Variants in MEGF11 observed in about 807,000 individuals in gnomAD.
MEGF11 encodes multiple EGF like domains 11, also known as multiple epidermal growth factor-like domains protein 11.
In MEGF11, 126 loss-of-function variants were observed where a neutral mutation model predicts 146.6. That is an observed-to-expected ratio of 0.86 (90% CI 0.74 to 1.00). The LOEUF (loss-of-function observed/expected upper bound fraction) is 1.00. MEGF11 is among the 50% of genes least tolerant of loss of function. The pLI is 0.00. For missense variants in MEGF11, 1,509 were observed against 1,521.2 expected, an observed-to-expected ratio of 0.99 and a Z score of 0.13; for synonymous variants, 532 against 583.4, an observed-to-expected ratio of 0.91 and a Z score of 1.27.
intron 7 of MEGF11, among the ~76,000 whole-genome samples, chr15:65,980,390 T>C (rs1421206490): frequency 1.4e-5 from 2 of 140,146 alleles, no homozygotes; most frequent in African/African-American, 5.3e-5. Context: ...GGGAGAAGAA[T>C]TCAGCTTTTT....
chr15:66,115,112 ACT>A (rs1161215637), intron 4 of MEGF11, among the ~76,000 whole-genome samples: 2 of 152,054 alleles, frequency 1.3e-5, no homozygotes, highest in Admixed American at 1.3e-4. Flanking sequence ...CCAGAAGGTG[ACT>A]CTGAAGGGAA....
intron 5 of MEGF11, among the ~76,000 whole-genome samples, chr15:66,020,673 C>A (rs2083079302): frequency 6.6e-6 from 1 of 152,126 alleles, no homozygotes. Flanking sequence ...GGTCCCAATT[C>A]CCTCACTCCT....
chr15:66,184,378 C>T lies in MEGF11; in HGVS notation c.-8-55967G>A, dbSNP rs796087096. On this transcript the variant is annotated intron_variant, in intron 1 of 25. Transcript: ENST00000395614. ...CTCCAGGGCTGGAACCCATCCCCCT[C>T]CCTCTTCCACAGCTCCCACCATCTC... Among the ~76,000 whole-genome samples the T allele has an allele frequency of 1.4e-4, 21 of 152,154 alleles. 3 individuals carry two copies. Among genetic ancestry groups the T allele is most frequent in the African/African-American group, 5.1e-4 (21 of 41,492 alleles).
At chr15:66,205,026 A>G (rs1166961696) in intron 1 of MEGF11, among the ~76,000 whole-genome samples, 1 of 149,698 alleles carries the variant, frequency 6.7e-6, no homozygotes, top group Admixed American at 6.7e-5. Flanking sequence ...ATTTGGAGCT[A>G]AAGACACTAG....
At chr15:66,175,172 A>G (rs1031178383) in intron 1 of MEGF11, among the ~76,000 whole-genome samples, 1 of 152,160 alleles carries the variant, frequency 6.6e-6, no homozygotes, top group African/African-American at 2.4e-5. Context: ...CTGTTTTCCA[A>G]TTTGGATGCC....
At chr15:66,148,134 G>A (rs2089440840) in intron 1 of MEGF11, among the ~76,000 whole-genome samples, 1 of 152,142 alleles carries the variant, frequency 6.6e-6, no homozygotes, top group Non-Finnish European at 1.5e-5. Context: ...GTGTGTGTCT[G>A]TATATGGCTC....
intron 5 of MEGF11, among the ~76,000 whole-genome samples, chr15:66,013,225 C>T (rs563674165): frequency 1.7e-4 from 26 of 152,186 alleles, no homozygotes; most frequent in Non-Finnish European, 3.7e-4. Context: ...TGGCCTCCAT[C>T]GTCAGTCAGG....
intron 5 of MEGF11, among the ~76,000 whole-genome samples, chr15:66,000,960 G>A (rs1318018926): frequency 1.3e-5 from 2 of 152,176 alleles, no homozygotes; most frequent in African/African-American, 4.8e-5. Flanking sequence ...TGGAGCTTGG[G>A]AGAACAGCAT....
chr15:66,216,214 T>C (rs2091578737), intron 1 of MEGF11, among the ~76,000 whole-genome samples: 1 of 152,172 alleles, frequency 6.6e-6, no homozygotes, highest in Non-Finnish European at 1.5e-5. Flanking sequence ...ATGGCAGCTG[T>C]TGGCCTGGAG....
chr15:65,967,388 C>T (rs149614217), intron 8 of MEGF11, among the ~76,000 whole-genome samples: 37 of 152,226 alleles, frequency 2.4e-4, no homozygotes, highest in African/African-American at 7.9e-4. Context: ...CATATGTTTC[C>T]ATTTTCCAGG....
chr15:66,094,384 C>A lies in MEGF11; in HGVS notation c.394+18G>T. 6.4e-7 allele frequency: 1 copy of A among 1,550,796 alleles called. No individual in the cohort carries two copies. Among genetic ancestry groups the A allele is most frequent in the East Asian group, 2.4e-5 (1 of 41,068 alleles). ...GTCAGAGCCAGGGTGCCTCCTGACC[C>A]CCAAACCCCAGACTCACCGCTGGAG... On this transcript the variant is annotated intron_variant, in intron 5 of 25. Coordinates refer to ENST00000395614, the MANE Select transcript of MEGF11 (RefSeq NM_001385028.1).
chr15:66,082,523 A>G (rs2085928458), intron 5 of MEGF11, among the ~76,000 whole-genome samples: 1 of 141,230 alleles, frequency 7.1e-6, no homozygotes, highest in African/African-American at 2.7e-5. Context: ...CTATAAATAA[A>G]TTAGCCAGGT....
At chr15:65,959,950 C>T (rs333566) in intron 9 of MEGF11, among the ~76,000 whole-genome samples, 145,062 of 152,240 alleles carry the variant, frequency 0.95, 69,512 homozygotes, top group East Asian at 1. Flanking sequence ...CACCACAGGG[C>T]ATTGGTTAAA....
intron 5 of MEGF11, among the ~76,000 whole-genome samples, chr15:66,091,480 T>C (rs1291485905): frequency 1.3e-5 from 2 of 152,210 alleles, no homozygotes; most frequent in Admixed American, 1.3e-4. Context: ...TAAGTTACAA[T>C]TGTATAAATA....
At chr15:66,116,117 G>A (rs1447271102) in intron 4 of MEGF11, among the ~76,000 whole-genome samples, 1 of 152,142 alleles carries the variant, frequency 6.6e-6, no homozygotes, top group Admixed American at 6.5e-5. Context: ...TGCTGATGGG[G>A]TTCCCTCTCC....
chr15:66,052,073 A>C (rs1357743292), intron 5 of MEGF11, among the ~76,000 whole-genome samples: 1 of 152,218 alleles, frequency 6.6e-6, no homozygotes, highest in East Asian at 1.9e-4. Context: ...ACAGAGGCGC[A>C]CAGGTGAGAT....
In MEGF11 at chr15:66,064,087, T is replaced by C. The variant is rs557644574; in HGVS notation, c.394+30315A>G. The stretch of plus-strand genomic sequence containing the variant: ...ACGCCATAGCAACAAAACAAAATAC[T>C]GGCTGGGCGCAGTGGCTCACACCTG... On this transcript the variant is annotated intron_variant, in intron 5 of 25. Transcript: ENST00000395614. Among the ~76,000 whole-genome samples the C allele has an allele frequency of 1.6e-4, 24 of 152,188 alleles. No homozygotes were observed. The South Asian group carries it at 1.9e-3, about 12-fold the overall frequency.
At chr15:65,977,629 C>T (rs1316184385) in intron 7 of MEGF11, among the ~76,000 whole-genome samples, 10 of 152,026 alleles carry the variant, frequency 6.6e-5, no homozygotes, top group East Asian at 1.9e-4. Context: ...CAGGTGCCCA[C>T]GACCATGTCT....
chr15:66,187,718 T>C (rs997593859), intron 1 of MEGF11, among the ~76,000 whole-genome samples: 28 of 152,150 alleles, frequency 1.8e-4, no homozygotes, highest in East Asian at 5.8e-4. Context: ...GTCGTGGGGC[T>C]TGATCTCAAC....
Sources: gnomAD v4.1 joint callset for allele counts (sites outside exome capture counted in the v4.1 genomes callset) on GRCh38, gnomAD v4.1.1 for gene constraint, MANE v1.5 for transcripts, NCBI Gene and HGNC (gene_info 2026-07-23, HGNC 2026-07-21) for gene names.